Variants in MCC observed in about 807,000 individuals in gnomAD.
The protein encoded by MCC is MCC regulator of Wnt signaling pathway, also known as colorectal mutant cancer protein.
A neutral mutation model predicts 116.2 loss-of-function variants in MCC; 90 were observed. The observed-to-expected ratio is 0.77, with a 90% CI of 0.65 to 0.92. The LOEUF (loss-of-function observed/expected upper bound fraction) is 0.92, where lower values mean the gene tolerates loss of function less well. MCC is among the 40% of genes least tolerant of loss of function. MCC has a pLI of 0.00. For synonymous variants in MCC, 578 were observed against 510.5 expected, an observed-to-expected ratio of 1.13 and a Z score of -1.78; for missense variants, 1,516 against 1,312.2, an observed-to-expected ratio of 1.16 and a Z score of -2.40.
intron 3 of MCC, among the ~76,000 whole-genome samples, chr5:113,180,877 G>A (rs888900227): frequency 1.8e-4 from 28 of 151,964 alleles, no homozygotes; most frequent in African/African-American, 2.7e-4. Flanking sequence ...AAATAATTAC[G>A]TAAAGTTACT....
At chr5:113,085,653 G>C (rs1015222764) in intron 8 of MCC, among the ~76,000 whole-genome samples, 6 of 152,050 alleles carry the variant, frequency 3.9e-5, no homozygotes, top group Non-Finnish European at 7.4e-5. Flanking sequence ...AACATATTAT[G>C]TAAGGCCCTG....
chr5:113,371,464 A>G (rs1768835011), intron 2 of MCC, among the ~76,000 whole-genome samples: 1 of 152,212 alleles, frequency 6.6e-6, no homozygotes, highest in Non-Finnish European at 1.5e-5. Context: ...AATCAAAGAA[A>G]ACACTATAAT....
At chr5:113,334,781 T>C (rs1767831208) in intron 3 of MCC, among the ~76,000 whole-genome samples, 1 of 150,644 alleles carries the variant, frequency 6.6e-6, no homozygotes, top group African/African-American at 2.5e-5. Context: ...AGTAGAGATG[T>C]GGTTTTACCA....
intron 1 of MCC, among the ~76,000 whole-genome samples, chr5:113,443,141 T>A (rs1771094756): frequency 6.6e-6 from 1 of 150,590 alleles, no homozygotes; most frequent in Admixed American, 6.6e-5. Context: ...GCATAGAATG[T>A]TTTTCCATTT....
chr5:113,338,429 C>A (rs1232221980), intron 3 of MCC, among the ~76,000 whole-genome samples: 3 of 152,120 alleles, frequency 2.0e-5, no homozygotes, highest in Non-Finnish European at 4.4e-5. Flanking sequence ...TCAGGAGAGA[C>A]AGGAGAACAG....
At chr5:113,068,267 G>GC (rs1753765779) in intron 12 of MCC, 84 bp from the exon 13 acceptor site, 1 of 998,092 alleles carries the variant, frequency 1.0e-6, no homozygotes, top group African/African-American at 1.6e-5. Flanking sequence ...GCAGGAGGCA[G>GC]CTCAGGTGCT....
At chr5:113,436,111 AG>A (rs1770851003) in intron 1 of MCC, 2 of 152,392 alleles carry the variant, frequency 1.3e-5, no homozygotes, top group African/African-American at 4.8e-5. Flanking sequence ...TGGGCCCTTC[AG>A]GAGTGAGTTA....
intron 3 of MCC, among the ~76,000 whole-genome samples, chr5:113,260,371 T>C (rs1173225826): frequency 2.0e-5 from 3 of 152,210 alleles, no homozygotes; most frequent in Non-Finnish European, 2.9e-5. Flanking sequence ...TTCAATGTCC[T>C]GCTTAATGGA....
chr5:113,180,776 T>C (rs1303698956), intron 3 of MCC, among the ~76,000 whole-genome samples: 1 of 152,240 alleles, frequency 6.6e-6, no homozygotes, highest in African/African-American at 2.4e-5. Flanking sequence ...TCTATCTGGA[T>C]GTGGGATTTA....
At chr5:113,426,371 G>A (rs756678357) in intron 1 of MCC, among the ~76,000 whole-genome samples, 1 of 152,166 alleles carries the variant, frequency 6.6e-6, no homozygotes, top group Non-Finnish European at 1.5e-5. Context: ...ATGTCTGTTA[G>A]TCCAAGACTG....
intron 11 of MCC, among the ~76,000 whole-genome samples, chr5:113,074,326 T>C (rs1754264588): frequency 1.3e-5 from 2 of 152,138 alleles, no homozygotes; most frequent in Admixed American, 6.5e-5. Context: ...GTCCTGACTA[T>C]TAGAAGGAAA....
At chr5:113,478,818 CCTT>C (rs1772299463) in intron 1 of MCC, among the ~76,000 whole-genome samples, 1 of 152,140 alleles carries the variant, frequency 6.6e-6, no homozygotes, top group African/African-American at 2.4e-5. Flanking sequence ...CACAGAGAGT[CCTT>C]CTTATCATTA....
intron 1 of MCC, among the ~76,000 whole-genome samples, chr5:113,423,367 G>T (rs890037366): frequency 6.6e-6 from 1 of 152,004 alleles, no homozygotes; most frequent in African/African-American, 2.4e-5. Context: ...TATTAAACAG[G>T]GTGTCTTTAA....
intron 1 of MCC, among the ~76,000 whole-genome samples, chr5:113,410,441 A>G (rs1287219713): frequency 6.6e-6 from 1 of 152,190 alleles, no homozygotes; most frequent in Admixed American, 6.5e-5. Context: ...TGTCTGATCA[A>G]TTCGGTAGGT....
At chr5:113,411,412 G>C (rs1193083406) in intron 1 of MCC, among the ~76,000 whole-genome samples, 5 of 152,278 alleles carry the variant, frequency 3.3e-5, no homozygotes, top group African/African-American at 1.2e-4. Context: ...CTTCTTTTGA[G>C]AAGTGTCTGT....
chr5:113,355,123 C>T (rs1179771051), intron 2 of MCC, among the ~76,000 whole-genome samples: 2 of 151,896 alleles, frequency 1.3e-5, no homozygotes, highest in Admixed American at 1.3e-4. Flanking sequence ...TTTTGACAAT[C>T]AAAAAAGAAC....
chr5:113,435,065 C>T, intron 1 of MCC: 1 of 535,808 alleles, frequency 1.9e-6, no homozygotes, highest in Non-Finnish European at 3.3e-6. Flanking sequence ...GGGAATGAGA[C>T]CCTGGCCTGA....
intron 3 of MCC, among the ~76,000 whole-genome samples, chr5:113,183,513 C>T (rs1241706682): frequency 6.7e-6 from 1 of 148,790 alleles, no homozygotes; most frequent in African/African-American, 2.6e-5. Flanking sequence ...TACCTCCCTC[C>T]CCCAAACATC....
chr5:113,343,916 T>C (rs2900070), intron 2 of MCC, among the ~76,000 whole-genome samples: 4,877 of 152,286 alleles, frequency 0.032, 107 homozygotes, highest in East Asian at 0.075. Context: ...TGTGCAGGAA[T>C]ACCACATTTT....
Sources: allele counts gnomAD v4.1 joint callset (sites outside exome capture counted in the v4.1 genomes callset), GRCh38; gene constraint gnomAD v4.1.1; transcripts MANE v1.5; gene names NCBI Gene and HGNC (gene_info 2026-07-23, HGNC 2026-07-21).